The following SYN2 variants were observed in gnomAD, a reference collection of about 807,000 sequenced individuals.
SYN2 encodes synapsin-2.
In SYN2, 19 loss-of-function variants were observed where a neutral mutation model predicts 50.9. The observed-to-expected ratio is 0.37, with a 90% CI of 0.26 to 0.55. The LOEUF (loss-of-function observed/expected upper bound fraction) is 0.55, where lower values mean the gene tolerates loss of function less well. Among genes scored for constraint, SYN2 ranks in the 20% least tolerant of loss-of-function variants. The pLI is 0.81. For missense variants in SYN2, 587 were observed against 576.4 expected (o/e 1.02, Z -0.19); for synonymous variants, 255 against 224.9 (o/e 1.13, Z -1.20).
chr3:12,077,014 A>T (rs959614561), intron 1 of SYN2, among the ~76,000 whole-genome samples: 3 of 152,068 alleles, frequency 2.0e-5, no homozygotes, highest in Non-Finnish European at 4.4e-5. Context: ...TGAGAGGGAG[A>T]AGTGTTGGAA....
intron 1 of SYN2, among the ~76,000 whole-genome samples, chr3:12,129,148 A>T (rs113917675): frequency 6.6e-6 from 1 of 152,218 alleles, no homozygotes; most frequent in Admixed American, 6.5e-5. Context: ...TGAAGATAAT[A>T]TAGAGAATGA....
At chr3:12,118,920 CATT>C (rs1437647656) in intron 1 of SYN2, among the ~76,000 whole-genome samples, 2 of 152,318 alleles carry the variant, frequency 1.3e-5, no homozygotes, top group Admixed American at 6.5e-5. Context: ...AGCATGTACT[CATT>C]ATAAAACAAA....
At chr3:12,038,683 T>A (rs916133003) in intron 1 of SYN2, among the ~76,000 whole-genome samples, 1 of 152,168 alleles carries the variant, frequency 6.6e-6, no homozygotes, top group Non-Finnish European at 1.5e-5. Context: ...TAAATTGAAT[T>A]GGTCCCTTTA....
At position 12,168,956 on chromosome 3, in the gene SYN2, T is replaced by C. The variant is rs527953378; in HGVS notation, c.1158+478T>C. Among the ~76,000 whole-genome samples, 3 of 152,304 alleles carry C rather than the reference T, an allele frequency of 2.0e-5. No individual in the cohort carries two copies. The South Asian group carries it at 6.2e-4, about 32-fold the overall frequency. On this transcript the variant is annotated intron_variant, in intron 9 of 12. Coordinates refer to ENST00000621198, the MANE Select transcript of SYN2 (RefSeq NM_133625.6). ...TTTACCTGTTGTAAAGGAAAGCCAGTGGCAGTATGAATCCTTCACACACAT... is the reference window on the plus strand; with the variant it reads ...TTTACCTGTTGTAAAGGAAAGCCAGCGGCAGTATGAATCCTTCACACACAT...
At chr3:12,056,899 A>G (rs911433356) in intron 1 of SYN2, among the ~76,000 whole-genome samples, 2 of 152,192 alleles carry the variant, frequency 1.3e-5, no homozygotes, top group South Asian at 2.1e-4. Flanking sequence ...AAACATGTAT[A>G]TTCTCACCCT....
intron 1 of SYN2, among the ~76,000 whole-genome samples, chr3:12,127,811 TGAG>T (rs1220783925): frequency 6.6e-6 from 1 of 152,340 alleles, no homozygotes; most frequent in Non-Finnish European, 1.5e-5. Context: ...AAGCAGAATG[TGAG>T]GAGATCTCTT....
intron 10 of SYN2, among the ~76,000 whole-genome samples, chr3:12,173,501 T>C (rs1697982677): frequency 6.6e-6 from 1 of 152,202 alleles, no homozygotes; most frequent in South Asian, 2.1e-4. Context: ...AATTTCTCTT[T>C]TTCCAAAAGA....
intron 10 of SYN2, among the ~76,000 whole-genome samples, chr3:12,176,894 C>T (rs554483240): frequency 3.7e-4 from 56 of 152,168 alleles, no homozygotes; most frequent in South Asian, 4.1e-4. Flanking sequence ...CACTCAGAAA[C>T]GGCATGCGGC....
At chr3:12,079,547 C>T (rs1229654405) in intron 1 of SYN2, among the ~76,000 whole-genome samples, 1 of 152,134 alleles carries the variant, frequency 6.6e-6, no homozygotes, top group African/African-American at 2.4e-5. Flanking sequence ...TTTTCTGCAT[C>T]TATTGAGATA....
At chr3:12,149,089 C>T (rs1306519582) in intron 4 of SYN2, among the ~76,000 whole-genome samples, 1 of 152,190 alleles carries the variant, frequency 6.6e-6, no homozygotes, top group Non-Finnish European at 1.5e-5. Flanking sequence ...CAACGAGAGC[C>T]TGGGAACTGG....
intron 10 of SYN2, among the ~76,000 whole-genome samples, chr3:12,178,620 A>G (rs1698144811): frequency 6.6e-6 from 1 of 152,226 alleles, no homozygotes; most frequent in Non-Finnish European, 1.5e-5. Context: ...TGAAACTGCT[A>G]TGCATCAGGT....
chr3:12,166,578 T>G (rs1697803847), intron 7 of SYN2, among the ~76,000 whole-genome samples: 1 of 152,224 alleles, frequency 6.6e-6, no homozygotes, highest in Admixed American at 6.5e-5. Context: ...AGCTGATGGC[T>G]TGATGCCATC....
chr3:12,185,406 G>T (rs954307093), intron 11 of SYN2: 1 of 985,680 alleles, frequency 1.0e-6, no homozygotes, highest in Non-Finnish European at 1.2e-6. Flanking sequence ...AGGCTACAGG[G>T]TGGTGTCAGT....
intron 1 of SYN2, among the ~76,000 whole-genome samples, chr3:12,054,485 G>A (rs946357250): frequency 3.9e-5 from 6 of 152,100 alleles, no homozygotes; most frequent in Non-Finnish European, 5.9e-5. Context: ...GGCAGAGTGA[G>A]TAAAGCCAAG....
chr3:12,094,626 C>T (rs570734810), intron 1 of SYN2, among the ~76,000 whole-genome samples: 1 of 152,276 alleles, frequency 6.6e-6, no homozygotes, highest in South Asian at 2.1e-4. Flanking sequence ...GAGTGTAATA[C>T]CTACTCTGTT....
chr3:12,124,874 T>A, intron 1 of SYN2, among the ~76,000 whole-genome samples: 1 of 152,192 alleles, frequency 6.6e-6, no homozygotes, highest in East Asian at 1.9e-4. Flanking sequence ...GGGAGGAATA[T>A]GCAAGCGATT....
chr3:12,022,799 T>C (rs1191893183), intron 1 of SYN2, among the ~76,000 whole-genome samples: 1 of 151,260 alleles, frequency 6.6e-6, no homozygotes, highest in East Asian at 1.9e-4. Context: ...CCTCCTGCCT[T>C]AGCCTCCCAA....
At chr3:12,050,384 C>T (rs539084990) in intron 1 of SYN2, among the ~76,000 whole-genome samples, 12 of 142,226 alleles carry the variant, frequency 8.4e-5, no homozygotes, top group African/African-American at 2.9e-4. Context: ...TTTGCTCTGT[C>T]CCCCAGGCTG....
rs536607653 is a variant in SYN2, at chr3:12,137,916, G to A, written c.378-2735G>A. Among the ~76,000 whole-genome samples, 313 of 152,140 alleles carry A rather than the reference G, an allele frequency of 2.1e-3. 1 individual carries two copies. The highest frequency in any genetic ancestry group is 6.5e-3 in the African/African-American group (268 of 41,502). On this transcript the variant is annotated intron_variant, in intron 1 of 12. Transcript: ENST00000621198. ...AATTTTAAAGATAGATTGATTGATT[G>A]GTTTAACCACATGATATACTATTTT...
Sources: gnomAD v4.1 joint callset for allele counts (sites outside exome capture counted in the v4.1 genomes callset) on GRCh38, gnomAD v4.1.1 for gene constraint, MANE v1.5 for transcripts, NCBI Gene and HGNC (gene_info 2026-07-23, HGNC 2026-07-21) for gene names.